Variants in ANLN observed in about 807,000 individuals in gnomAD.
ANLN encodes anillin.
In ANLN, 59 loss-of-function variants were observed where a neutral mutation model predicts 135.1. That is an observed-to-expected ratio of 0.44 (90% CI 0.35 to 0.54). ANLN has a LOEUF of 0.54. Ranked by LOEUF, ANLN falls within the 20% of genes least tolerant of loss-of-function variation. The pLI is 0.00. For synonymous variants in ANLN, 406 were observed against 456.4 expected, an observed-to-expected ratio of 0.89 and a Z score of 1.41; for missense variants, 1,182 against 1,340.0, an observed-to-expected ratio of 0.88 and a Z score of 1.84.
chr7:36,430,475 A>G (rs2116717783), intron 20 of ANLN, among the ~76,000 whole-genome samples: 1 of 152,342 alleles, frequency 6.6e-6, no homozygotes, highest in Middle Eastern at 3.4e-3. Context: ...CTTTCTTTGA[A>G]TAGGGAATCC....
At position 36,406,373 on chromosome 7, in the gene ANLN, A is replaced by T. The variant is rs543214617; in HGVS notation, c.680A>T (p.Gln227Leu). 1.2e-6 allele frequency: 2 copies of T among 1,614,042 alleles called. No homozygotes were observed. The highest frequency in any genetic ancestry group is 1.7e-6 in the Non-Finnish European group (2 of 1,179,976). ...NHSFAKQNSV[Q>L]EQPGTACLSK... ...TCATTTGCAAAACAAAACAGTGTAC[A>T]AGAACAGCCTGGTACCGCTTGTTTA... The change falls in exon 4 of 24, where the codon CAA becomes CTA. Residue 227 changes from glutamine to leucine, a missense_variant. Gln to Leu is a moderately radical substitution (Grantham distance 113). Coordinates refer to ENST00000265748, the MANE Select transcript of ANLN (RefSeq NM_018685.5).
intron 7 of ANLN, among the ~76,000 whole-genome samples, chr7:36,412,441 G>T (rs1787464329): frequency 6.7e-6 from 1 of 149,884 alleles, no homozygotes. Context: ...CGATTCTCCT[G>T]CCTCAGCCTC....
At position 36,399,406 on chromosome 7, in the gene ANLN, T is replaced by C; in HGVS notation, c.487+13T>C. The C allele has an allele frequency of 6.3e-7, 1 of 1,581,870 alleles. No homozygotes were observed. Among genetic ancestry groups the C allele is most frequent in the Non-Finnish European group, 8.6e-7 (1 of 1,162,104 alleles). ...GATGATATGACAGGTATGAATTGTA[T>C]AGATGGTATGGCCCATACATCTGTT... On this transcript the variant is annotated intron_variant, in intron 3 of 23. Coordinates refer to ENST00000265748, the MANE Select transcript of ANLN (RefSeq NM_018685.5).
intron 22 of ANLN, among the ~76,000 whole-genome samples, chr7:36,447,357 A>G (rs983409091): frequency 1.3e-5 from 2 of 149,998 alleles, no homozygotes; most frequent in Admixed American, 1.3e-4. Flanking sequence ...CACTTTGGGG[A>G]CCTTATTAAG....
chr7:36,445,680 C>A (rs1030887605), intron 22 of ANLN, among the ~76,000 whole-genome samples: 2 of 152,234 alleles, frequency 1.3e-5, no homozygotes, highest in Non-Finnish European at 2.9e-5. Flanking sequence ...TTACAGCCCA[C>A]ATGCAGGAAG....
chr7:36,449,515 AAT>A (rs750797773), intron 22 of ANLN, 148 bp from the exon 23 acceptor site: 18 of 588,522 alleles, frequency 3.1e-5, no homozygotes, highest in Non-Finnish European at 5.1e-5. Context: ...ATAAATGTTA[AAT>A]ATGTTTCTCT....
chr7:36,397,874 G>C (rs1272343318), intron 2 of ANLN, among the ~76,000 whole-genome samples: 1 of 152,112 alleles, frequency 6.6e-6, no homozygotes, highest in East Asian at 1.9e-4. Flanking sequence ...TTGCACCACT[G>C]CATTCCATCC....
At chr7:36,450,558 A>G (rs577960257) in intron 23 of ANLN, among the ~76,000 whole-genome samples, 55 of 152,350 alleles carry the variant, frequency 3.6e-4, no homozygotes, top group Non-Finnish European at 6.6e-4. Flanking sequence ...CAGGAGACAC[A>G]ATACTAAAAT....
intron 10 of ANLN, 63 bp downstream of exon 10, chr7:36,419,542 C>A: frequency 1.4e-6 from 2 of 1,380,562 alleles, no homozygotes; most frequent in South Asian, 1.3e-5. Flanking sequence ...TCGTATCTCC[C>A]CTTTCTTTTG....
chr7:36,408,449 A>G (rs1480301957), intron 5 of ANLN, among the ~76,000 whole-genome samples: 1 of 152,198 alleles, frequency 6.6e-6, no homozygotes, highest in Non-Finnish European at 1.5e-5. Context: ...ATTGCTGTTT[A>G]TTGATAAATA....
At chr7:36,435,746 G>C (rs1788510804) in intron 20 of ANLN, among the ~76,000 whole-genome samples, 1 of 150,450 alleles carries the variant, frequency 6.6e-6, no homozygotes, top group Non-Finnish European at 1.5e-5. Context: ...GGTAGCGGGC[G>C]CCTGTAGTCC....
chr7:36,390,110 G>C (rs1786363267), intron 1 of ANLN, 66 bp downstream of exon 1: 3 of 1,609,924 alleles, frequency 1.9e-6, no homozygotes, highest in Non-Finnish European at 2.5e-6. Context: ...ACCTTCCTCT[G>C]TCAACCTCTG....
rs776294377 is a variant in ANLN at position 36,406,581 on chromosome 7, T to G, written c.873+15T>G. 1 of 1,478,664 alleles carries G rather than the reference T, an allele frequency of 6.8e-7. No individual in the cohort carries two copies. The highest frequency in any genetic ancestry group is 9.0e-7 in the Non-Finnish European group (1 of 1,116,818). 91.6% of individuals were successfully genotyped at this position (1,478,664 alleles called of 1,614,324 possible). ...CCAGCTCTGTGGTAAGTCAGTATCA[T>G]TTTGGTCTTTGGAAGCCTTTTCTTT... On this transcript the variant is annotated intron_variant, in intron 4 of 23. Coordinates refer to ENST00000265748, the MANE Select transcript of ANLN (RefSeq NM_018685.5).
At chr7:36,433,352 G>A (rs1038345294) in intron 20 of ANLN, among the ~76,000 whole-genome samples, 1 of 151,980 alleles carries the variant, frequency 6.6e-6, no homozygotes, top group Non-Finnish European at 1.5e-5. Flanking sequence ...ATTGTCACTG[G>A]GACTGCTAAA....
At chr7:36,404,056 C>T (rs553960957) in intron 3 of ANLN, among the ~76,000 whole-genome samples, 5 of 152,210 alleles carry the variant, frequency 3.3e-5, no homozygotes, top group African/African-American at 9.6e-5. Flanking sequence ...CTGCAACCTC[C>T]GCCTCCTGGG....
chr7:36,410,930 C>A (rs1452442980), intron 6 of ANLN, 129 bp from the exon 7 acceptor site: 6 of 953,952 alleles, frequency 6.3e-6, no homozygotes, highest in Non-Finnish European at 9.2e-6. Flanking sequence ...GTATTATGAA[C>A]TTTTTAAACT....
intron 1 of ANLN, 105 bp downstream of exon 1, chr7:36,390,149 T>C: frequency 3.8e-6 from 6 of 1,586,444 alleles, no homozygotes; most frequent in Non-Finnish European, 5.2e-6. Flanking sequence ...GGAGGGCGCG[T>C]GTGTGCGCGC....
intron 23 of ANLN, among the ~76,000 whole-genome samples, chr7:36,450,761 G>T (rs1166481151): frequency 6.6e-6 from 1 of 152,186 alleles, no homozygotes; most frequent in African/African-American, 2.4e-5. Context: ...CATTTTGTTT[G>T]ATAGCGACGT....
chr7:36,404,658 T>C (rs73106313), intron 3 of ANLN, among the ~76,000 whole-genome samples: 5,739 of 152,326 alleles, frequency 0.038, 143 homozygotes, highest in African/African-American at 0.061. Context: ...AAGCACTTTA[T>C]GGCTTCTCTT....
Sources: gnomAD v4.1 joint callset for allele counts (sites outside exome capture counted in the v4.1 genomes callset) on GRCh38, gnomAD v4.1.1 for gene constraint, MANE v1.5 for transcripts, NCBI Gene and HGNC (gene_info 2026-07-23, HGNC 2026-07-21) for gene names.